Variants in FAM13B observed in about 807,000 individuals in gnomAD.
FAM13B encodes the protein family with sequence similarity 13 member B, also known as protein FAM13B.
In FAM13B, 60 loss-of-function variants were observed where a neutral mutation model predicts 117.3. That is an observed-to-expected ratio of 0.51 (90% CI 0.42 to 0.63). The LOEUF is 0.63. Among genes scored for constraint, FAM13B ranks in the 30% least tolerant of loss-of-function variants. FAM13B has a pLI of 0.00. For missense variants in FAM13B, 972 were observed against 1,091.9 expected (o/e 0.89, Z 1.55); for synonymous variants, 332 against 356.1 (o/e 0.93, Z 0.76).
intron 20 of FAM13B, 80 bp downstream of exon 20, chr5:137,945,822 A>G (rs1763254686): frequency 9.9e-7 from 1 of 1,009,338 alleles, no homozygotes; most frequent in South Asian, 1.5e-5. Context: ...TATTTCTCCA[A>G]TATACCACAA....
In FAM13B at chr5:138,033,028, G is replaced by A. The variant is rs2151101117; in HGVS notation, c.-449C>T. 2 of 986,898 alleles carry A rather than the reference G, an allele frequency of 2.0e-6. No homozygotes were observed. The highest frequency in any genetic ancestry group is 9.4e-5 in the South Asian group (2 of 21,338). The allele number at this position is 986,898 out of a possible 1,614,324, so 61.1% of individuals were successfully genotyped here. A position where few individuals can be genotyped will look rare whatever the true frequency, so the allele number is the denominator to read the frequency against. The stretch of plus-strand genomic sequence containing the variant: ...ACAGGGGGAGAGAGTGGCGACAGAG[G>A]CGGCGGCTGAGGTGCAGAGCCTCCC... On this transcript the variant is annotated 5_prime_UTR_variant, in exon 1 of 24. Coordinates refer to ENST00000689681, the MANE Select transcript of FAM13B (RefSeq NM_001385994.1).
At chr5:137,979,411 T>C (rs1775001326) in intron 10 of FAM13B, among the ~76,000 whole-genome samples, 2 of 152,190 alleles carry the variant, frequency 1.3e-5, no homozygotes, top group Non-Finnish European at 2.9e-5. Context: ...TTATGACTAC[T>C]ACAAAAAACC....
At chr5:137,963,180 CA>C (rs1470593713) in intron 10 of FAM13B, among the ~76,000 whole-genome samples, 5 of 152,070 alleles carry the variant, frequency 3.3e-5, no homozygotes, top group African/African-American at 4.8e-5. Context: ...CAAGAATCTG[CA>C]AAAAAAGCTG....
At chr5:137,946,158 A>G (rs1763367535) in intron 19 of FAM13B, 70 bp downstream of exon 19, 4 of 1,390,146 alleles carry the variant, frequency 2.9e-6, no homozygotes, top group African/African-American at 1.4e-5. Context: ...TGAAGAATGT[A>G]GGCCACAAAA....
At chr5:137,952,832 T>A in intron 16 of FAM13B, 123 bp from the exon 17 acceptor site, 2 of 609,400 alleles carry the variant, frequency 3.3e-6, no homozygotes, top group Non-Finnish European at 5.6e-6. Context: ...TCATCTTATT[T>A]TAATTAGATA....
At chr5:137,943,349 G>T in intron 20 of FAM13B, 133 bp from the exon 21 acceptor site, 2 of 666,532 alleles carry the variant, frequency 3.0e-6, no homozygotes, top group Non-Finnish European at 4.9e-6. Flanking sequence ...ATCTTTTTAG[G>T]AATTGCTTAC....
chr5:137,982,830 T>C (rs578089474), intron 10 of FAM13B, among the ~76,000 whole-genome samples: 2 of 152,276 alleles, frequency 1.3e-5, no homozygotes, highest in South Asian at 4.1e-4. Flanking sequence ...TTTTCTCTTG[T>C]TAATGTCTTC....
intron 1 of FAM13B, among the ~76,000 whole-genome samples, chr5:138,027,855 A>T (rs892269208): frequency 3.3e-5 from 5 of 152,202 alleles, no homozygotes; most frequent in African/African-American, 1.2e-4. Context: ...TGATGGTTTT[A>T]TAAGGGGCTC....
At chr5:137,948,228 G>A (rs1763971352) in intron 18 of FAM13B, among the ~76,000 whole-genome samples, 1 of 151,790 alleles carries the variant, frequency 6.6e-6, no homozygotes, top group African/African-American at 2.4e-5. Flanking sequence ...TATCAAGTTA[G>A]TATTAATGGA....
chr5:138,008,868 C>T (rs574630546), intron 6 of FAM13B, among the ~76,000 whole-genome samples: 1 of 152,318 alleles, frequency 6.6e-6, no homozygotes, highest in South Asian at 2.1e-4. Context: ...TTAGGCCAGG[C>T]GCGGTGGCCC....
intron 7 of FAM13B, among the ~76,000 whole-genome samples, chr5:137,994,201 C>T (rs78010353): frequency 6.6e-6 from 1 of 152,276 alleles, no homozygotes; most frequent in African/African-American, 2.4e-5. Context: ...TATGCTGGGA[C>T]AATCAAATAA....
At chr5:137,985,756 C>T (rs933558344) in intron 9 of FAM13B, among the ~76,000 whole-genome samples, 3 of 152,194 alleles carry the variant, frequency 2.0e-5, no homozygotes, top group African/African-American at 7.2e-5. Context: ...CAGTGTCCAA[C>T]ACCTTATCAA....
intron 1 of FAM13B, among the ~76,000 whole-genome samples, chr5:138,030,080 A>G (rs1789493495): frequency 6.6e-6 from 1 of 152,174 alleles, no homozygotes; most frequent in Non-Finnish European, 1.5e-5. Context: ...GGTCTTTTAT[A>G]CTTGCTAGTT....
chr5:138,045,470 C>T (rs1791614080), intron 1 of FAM13B, among the ~76,000 whole-genome samples: 2 of 151,890 alleles, frequency 1.3e-5, no homozygotes, highest in Admixed American at 6.6e-5. Flanking sequence ...GAGGCAGAGG[C>T]TGCAGTGAGC....
At chr5:137,992,051 G>C (rs1329920338) in intron 7 of FAM13B, among the ~76,000 whole-genome samples, 1 of 151,790 alleles carries the variant, frequency 6.6e-6, no homozygotes, top group African/African-American at 2.4e-5. Context: ...CGCCAAATAA[G>C]TGGGACTACA....
intron 7 of FAM13B, among the ~76,000 whole-genome samples, chr5:137,994,564 A>G (rs1444727399): frequency 6.6e-6 from 1 of 152,264 alleles, no homozygotes. Context: ...AAATAAAGAC[A>G]CAAGAAAAAT....
chr5:138,034,884 C>T (rs937438889), upstream of FAM13B, among the ~76,000 whole-genome samples: 1 of 151,956 alleles, frequency 6.6e-6, no homozygotes, highest in Non-Finnish European at 1.5e-5. Flanking sequence ...CCTCCTCCGC[C>T]TGCCCCACAT....
At chr5:138,014,655 C>T (rs189200463) in intron 4 of FAM13B, among the ~76,000 whole-genome samples, 2 of 152,226 alleles carry the variant, frequency 1.3e-5, no homozygotes, top group Non-Finnish European at 2.9e-5. Flanking sequence ...AATGAATACA[C>T]AATAACTGAA....
chr5:137,991,773 AT>A (rs1275837234), intron 7 of FAM13B, among the ~76,000 whole-genome samples: 1 of 152,242 alleles, frequency 6.6e-6, no homozygotes, highest in African/African-American at 2.4e-5. Context: ...GATAAAATCA[AT>A]TCTGGGTAGA....
Sources: gnomAD v4.1 joint callset for allele counts (sites outside exome capture counted in the v4.1 genomes callset) on GRCh38, gnomAD v4.1.1 for gene constraint, MANE v1.5 for transcripts, NCBI Gene and HGNC (gene_info 2026-07-23, HGNC 2026-07-21) for gene names.